Variants in GRIK3 observed in about 807,000 individuals in gnomAD.
The protein encoded by GRIK3 is glutamate ionotropic receptor kainate type subunit 3, also known as glutamate receptor ionotropic, kainate 3.
Under a neutral mutation model 102.5 loss-of-function variants are expected in GRIK3, and 29 were observed. That is an observed-to-expected ratio of 0.28 (90% CI 0.21 to 0.39). The LOEUF (loss-of-function observed/expected upper bound fraction) is 0.39, where lower values mean the gene tolerates loss of function less well. Ranked by LOEUF, GRIK3 falls within the 10% of genes least tolerant of loss-of-function variation. The probability of loss-of-function intolerance (pLI) is 1.00; values close to 1 mark genes in which losing one functional copy is unlikely to be tolerated. For synonymous variants in GRIK3, 511 were observed against 504.9 expected, an observed-to-expected ratio of 1.01 and a Z score of -0.16; for missense variants, 908 against 1,252.4, an observed-to-expected ratio of 0.73 and a Z score of 4.15.
chr1:36,971,531 A>G (rs917824941), intron 1 of GRIK3, among the ~76,000 whole-genome samples: 5 of 152,146 alleles, frequency 3.3e-5, no homozygotes, highest in Admixed American at 6.5e-5. Flanking sequence ...GAGAATCCAG[A>G]GTCTAAGTCC....
intron 14 of GRIK3, 43 bp from the exon 15 acceptor site, chr1:36,805,280 C>A: frequency 6.4e-7 from 1 of 1,563,934 alleles, no homozygotes; most frequent in Non-Finnish European, 8.6e-7. Flanking sequence ...TGGCGTGTGG[C>A]CCATTCTGTG....
At chr1:36,976,646 A>G (rs746168187) in intron 1 of GRIK3, among the ~76,000 whole-genome samples, 31 of 152,072 alleles carry the variant, frequency 2.0e-4, no homozygotes, top group African/African-American at 5.8e-4. Flanking sequence ...AAGGTATGCT[A>G]TTGGTTGAAG....
intron 1 of GRIK3, among the ~76,000 whole-genome samples, chr1:36,941,924 C>T (rs539657796): frequency 7.0e-4 from 107 of 152,322 alleles, no homozygotes; most frequent in African/African-American, 2.3e-3. Flanking sequence ...CTATCCCCCC[C>T]TCACCCTGCC....
chr1:37,005,368 A>C (rs1034595509), intron 1 of GRIK3, among the ~76,000 whole-genome samples: 15 of 152,248 alleles, frequency 9.9e-5, no homozygotes, highest in Non-Finnish European at 2.2e-4. Context: ...ACATCCACTG[A>C]AAGCCACAGA....
At chr1:36,886,094 CT>C (rs1364510763) in intron 2 of GRIK3, among the ~76,000 whole-genome samples, 57 of 152,340 alleles carry the variant, frequency 3.7e-4, no homozygotes, top group African/African-American at 1.2e-3. Flanking sequence ...TGCGCTGCTG[CT>C]GCCTCTGGCG....
At chr1:36,950,428 A>G (rs1311765718) in intron 1 of GRIK3, among the ~76,000 whole-genome samples, 3 of 152,268 alleles carry the variant, frequency 2.0e-5, no homozygotes, top group Non-Finnish European at 4.4e-5. Context: ...TTCCAATAAA[A>G]TGTGGATGCT....
chr1:37,034,103 G>T lies in GRIK3; in HGVS notation c.6C>A (p.Thr2=), dbSNP rs376390262. 2.6e-6 allele frequency: 4 copies of T among 1,560,036 alleles called. No individual in the cohort carries two copies. The highest frequency in any genetic ancestry group is 2.0e-4 in the Middle Eastern group (1 of 5,032). The change falls in exon 1 of 16, where the codon ACC becomes ACA. Residue 2 remains threonine (T), a synonymous_variant. Transcript: ENST00000373091. The stretch of plus-strand genomic sequence containing the variant: ...GACTCCGGAGGCGCCGCCAGGGAGC[G>T]GTCATCGTTGGGCGCCGCCGAGCGT... The part of the protein sequence containing the change: M[T]APWRRLRSLV...
At chr1:37,012,178 C>T (rs1642603670) in intron 1 of GRIK3, among the ~76,000 whole-genome samples, 1 of 152,182 alleles carries the variant, frequency 6.6e-6, no homozygotes, top group Non-Finnish European at 1.5e-5. Context: ...GGGCCATTGC[C>T]TATTGAGTTT....
At chr1:36,902,240 G>C (rs553804781) in intron 1 of GRIK3, among the ~76,000 whole-genome samples, 1 of 152,324 alleles carries the variant, frequency 6.6e-6, no homozygotes, top group South Asian at 2.1e-4. Context: ...ATTCTAAAGT[G>C]TACATAGAGA....
At chr1:36,931,062 C>T (rs148058865) in intron 1 of GRIK3, among the ~76,000 whole-genome samples, 1 of 152,306 alleles carries the variant, frequency 6.6e-6, no homozygotes, top group African/African-American at 2.4e-5. Context: ...ATTGCAGCAG[C>T]TGATGGAGTC....
At chr1:36,924,276 A>C (rs1236734402) in intron 1 of GRIK3, among the ~76,000 whole-genome samples, 2 of 152,184 alleles carry the variant, frequency 1.3e-5, no homozygotes, top group Admixed American at 1.3e-4. Flanking sequence ...CTTGATGCAG[A>C]GCCCTGGAGT....
intron 1 of GRIK3, among the ~76,000 whole-genome samples, chr1:36,927,974 G>T (rs1219549735): frequency 6.6e-6 from 1 of 152,186 alleles, no homozygotes; most frequent in South Asian, 2.1e-4. Context: ...GAGCAGAGGT[G>T]GGGGGTACCA....
intron 5 of GRIK3, among the ~76,000 whole-genome samples, chr1:36,868,287 G>A (rs930358412): frequency 6.6e-6 from 1 of 152,222 alleles, no homozygotes; most frequent in Admixed American, 6.5e-5. Context: ...AGCATGGCAG[G>A]AAGAAGCCAG....
intron 1 of GRIK3, among the ~76,000 whole-genome samples, chr1:36,902,088 A>T (rs1641237902): frequency 6.6e-6 from 1 of 152,226 alleles, no homozygotes; most frequent in Non-Finnish European, 1.5e-5. Flanking sequence ...AGAATAACTA[A>T]ATAAATGGAG....
intron 1 of GRIK3, among the ~76,000 whole-genome samples, chr1:36,906,693 C>T (rs151242759): frequency 9.2e-5 from 14 of 152,234 alleles, no homozygotes; most frequent in Non-Finnish European, 1.6e-4. Flanking sequence ...CACTGTAGCA[C>T]GCTGGCAGCC....
At chr1:36,962,439 G>T (rs552783427) in intron 1 of GRIK3, among the ~76,000 whole-genome samples, 4 of 151,926 alleles carry the variant, frequency 2.6e-5, no homozygotes, top group Non-Finnish European at 5.9e-5. Flanking sequence ...TCAGCCCCAC[G>T]CCGCTTTTCA....
At chr1:36,836,332 A>G (rs1467043741) in intron 10 of GRIK3, among the ~76,000 whole-genome samples, 1 of 152,238 alleles carries the variant, frequency 6.6e-6, no homozygotes, top group Non-Finnish European at 1.5e-5. Flanking sequence ...ACGACCCCAC[A>G]ACAACCATGC....
At chr1:36,955,320 C>T (rs1323830257) in intron 1 of GRIK3, among the ~76,000 whole-genome samples, 1 of 152,156 alleles carries the variant, frequency 6.6e-6, no homozygotes, top group Admixed American at 6.5e-5. Context: ...CTGGGCCTGA[C>T]CCAACACCAC....
Position 37,034,311 on chromosome 1 carries a change from G to A in GRIK3, c.-203C>T, listed in dbSNP as rs1642863999. 6.8e-6 allele frequency among the ~76,000 whole-genome samples: 1 copy of A among 147,418 alleles called. No individual in the cohort carries two copies. Among genetic ancestry groups the A allele is most frequent in the Admixed American group, 6.7e-5 (1 of 14,886 alleles). ...GCCCCGCCGGCGCCCGCCCCGCCTG[G>A]CTGCCGCCCACGGGCTGCCCGCGAG... On this transcript the variant is annotated 5_prime_UTR_variant, in exon 1 of 16. Coordinates refer to ENST00000373091, the MANE Select transcript of GRIK3 (RefSeq NM_000831.4).
Sources: allele counts gnomAD v4.1 joint callset (sites outside exome capture counted in the v4.1 genomes callset), GRCh38; gene constraint gnomAD v4.1.1; transcripts MANE v1.5; gene names NCBI Gene and HGNC (gene_info 2026-07-23, HGNC 2026-07-21).